AKAP3: variants seen among roughly 807,000 people sequenced by gnomAD.
AKAP3 encodes A-kinase anchoring protein 3.
Under a neutral mutation model 57.2 loss-of-function variants are expected in AKAP3, and 27 were observed. The ratio of observed to expected loss-of-function variants is 0.47; its 90% confidence interval spans 0.35 to 0.65. The LOEUF (loss-of-function observed/expected upper bound fraction) is 0.65, where lower values mean the gene tolerates loss of function less well. Among genes scored for constraint, AKAP3 ranks in the 30% least tolerant of loss-of-function variants. AKAP3 has a pLI of 0.01. For synonymous variants in AKAP3, 334 were observed against 392.3 expected (o/e 0.85, Z 1.76); for missense variants, 959 against 1,040.0 (o/e 0.92, Z 1.07).
chr12:4,644,689 G>A (rs1945677580), intron 2 of AKAP3, among the ~76,000 whole-genome samples: 1 of 152,212 alleles, frequency 6.6e-6, no homozygotes, highest in Admixed American at 6.5e-5. Flanking sequence ...AAGTGGAGGG[G>A]ATCACTTGAG....
chr12:4,631,009 T>G (rs551628868), intron 4 of AKAP3, among the ~76,000 whole-genome samples: 295 of 152,336 alleles, frequency 1.9e-3, no homozygotes, highest in Non-Finnish European at 3.8e-3. Flanking sequence ...GCCCAATAGA[T>G]CCATCTAATG....
chr12:4,637,388 T>C (rs1032620805), intron 4 of AKAP3, among the ~76,000 whole-genome samples: 4 of 152,180 alleles, frequency 2.6e-5, no homozygotes, highest in African/African-American at 9.7e-5. Flanking sequence ...GGAAGCAGCT[T>C]TGGTTGAGGG....
Position 4,627,148 on chromosome 12 carries a change from G to C in AKAP3, c.1754C>G (p.Ala585Gly), listed in dbSNP as rs957320736. Residue 585 changes from alanine to glycine, a missense_variant, in exon 5 of 6, where the codon GCA becomes GGA. Coordinates refer to ENST00000228850, the MANE Select transcript of AKAP3 (RefSeq NM_001278309.2). ...AACACTCCTTAGGTCCTTCTTTTCTGCTTGTTCTTGGTCACCTACAATGGG... is the reference window on the plus strand; with the variant it reads ...AACACTCCTTAGGTCCTTCTTTTCTCCTTGTTCTTGGTCACCTACAATGGG... ...SAPIVGDQEQ[A>G]EKKDLRSVFF... 6.2e-7 allele frequency: 1 copy of C among 1,613,988 alleles called. No homozygotes were observed. Among genetic ancestry groups the C allele is most frequent in the Non-Finnish European group, 8.5e-7 (1 of 1,180,034 alleles).
chr12:4,644,430 CA>C (rs1945674513), intron 2 of AKAP3, among the ~76,000 whole-genome samples: 1 of 152,192 alleles, frequency 6.6e-6, no homozygotes, highest in African/African-American at 2.4e-5. Context: ...AGTAGGTAGT[CA>C]AGCTTCTACT....
chr12:4,634,154 G>A (rs895250678), intron 4 of AKAP3, among the ~76,000 whole-genome samples: 2 of 151,800 alleles, frequency 1.3e-5, no homozygotes, highest in Admixed American at 6.6e-5. Flanking sequence ...CTCATATAAG[G>A]AAAATACCTA....
At chr12:4,620,038 C>T (rs1945327663) in intron 5 of AKAP3, among the ~76,000 whole-genome samples, 1 of 152,064 alleles carries the variant, frequency 6.6e-6, no homozygotes. Context: ...CATGAATAGC[C>T]TATAAAATTC....
intron 4 of AKAP3, among the ~76,000 whole-genome samples, chr12:4,636,484 T>G (rs1945567297): frequency 6.6e-6 from 1 of 152,262 alleles, no homozygotes; most frequent in Non-Finnish European, 1.5e-5. Context: ...AAAAAATCAC[T>G]AAGTTCATTT....
At position 4,629,638 on chromosome 12, in the gene AKAP3, A is replaced by T. The variant is rs532614816; in HGVS notation, c.97-833T>A. 8.3e-4 allele frequency among the ~76,000 whole-genome samples: 127 copies of T among 152,368 alleles called. No individual in the cohort carries two copies. The Middle Eastern group carries it at 0.014, about 16-fold the overall frequency. ...TACCCCTGAACTTAAAATAAAAGTT[A>T]AAAAACAGATCTGACAGTCATCAGC... is the stretch of plus-strand genomic sequence containing the variant. On this transcript the variant is annotated intron_variant, in intron 4 of 5. Coordinates refer to ENST00000228850, the MANE Select transcript of AKAP3 (RefSeq NM_001278309.2).
rs143324716 is a variant in AKAP3 at position 4,624,824 on chromosome 12, G to GTGTGTGTGTGTGTGTGTGTGTGTATA, written c.2406+1671_2406+1672insTATACACACACACACACACACACACA. On this transcript the variant is annotated intron_variant, in intron 5 of 5. Transcript: ENST00000228850. ...AGTAGACAAAGGTGTGTGTGTGTGT[G>GTGTGTGTGTGTGTGTGTGTGTGTATA]TATATAAAAGTGGGGGACTGCAAGT... Among the ~76,000 whole-genome samples, 711 of 141,086 alleles carry GTGTGTGTGTGTGTGTGTGTGTGTATA rather than the reference G, an allele frequency of 5.0e-3. 10 individuals are homozygous for GTGTGTGTGTGTGTGTGTGTGTGTATA. The highest frequency in any genetic ancestry group is 0.017 in the African/African-American group (653 of 38,612). 92.6% of individuals were successfully genotyped at this position (141,086 alleles called of 152,430 possible).
At chr12:4,645,885 ATGTAT>A (rs1945692621) in intron 1 of AKAP3, 1 of 152,188 alleles carries the variant, frequency 6.6e-6, no homozygotes, top group Non-Finnish European at 1.5e-5. Flanking sequence ...AGTAAGTATT[ATGTAT>A]TAACAAATCT....
chr12:4,626,699 G>C lies in AKAP3; in HGVS notation c.2203C>G (p.Gln735Glu). The C allele has an allele frequency of 6.2e-7, 1 of 1,614,048 alleles. No individual in the cohort carries two copies. The highest frequency in any genetic ancestry group is 1.3e-5 in the African/African-American group (1 of 74,946). The change falls in exon 5 of 6, where the codon CAA becomes GAA. Residue 735 changes from glutamine to glutamate, a missense_variant. Gln to Glu is a conservative substitution (Grantham distance 29). Transcript: ENST00000228850. ...SAEAVLQNAY[Q>E]AIHNEMRGTS... ...CCTCTCATTTCATTATGGATAGCTT[G>C]ATAGGCATTCTGCAGGACAGCTTCT...
At chr12:4,643,769 T>C (rs1261494654) in intron 2 of AKAP3, among the ~76,000 whole-genome samples, 1 of 152,226 alleles carries the variant, frequency 6.6e-6, no homozygotes, top group African/African-American at 2.4e-5. Context: ...GGCTTGGTTA[T>C]GGTCGTTATA....
At chr12:4,619,544 G>A (rs1417715803) in intron 5 of AKAP3, among the ~76,000 whole-genome samples, 2 of 151,934 alleles carry the variant, frequency 1.3e-5, no homozygotes, top group Non-Finnish European at 2.9e-5. Context: ...GCAAGAGAGG[G>A]AGACCCTGTC....
Position 4,627,467 on chromosome 12 carries a change from A to G in AKAP3, c.1435T>C (p.Phe479Leu). Residue 479 changes from phenylalanine to leucine, a missense_variant, in exon 5 of 6, where the codon TTT (phenylalanine) becomes CTT (leucine). Phe to Leu is a conservative substitution (Grantham distance 22, BLOSUM62 0). Transcript: ENST00000228850. The stretch of plus-strand genomic sequence containing the variant: ...TTACGCTGTGTGTTGGGAGCTTCAA[A>G]TGCTGCATGCTGGAAACCTAGAGAT... ...CKSLGFQHAA[F>L]EAPNTQRKPA... 3 of 1,614,104 alleles carry G rather than the reference A, an allele frequency of 1.9e-6. No individual in the cohort carries two copies. The highest frequency in any genetic ancestry group is 2.5e-6 in the Non-Finnish European group (3 of 1,179,990).
chr12:4,628,583 GAATCT>G lies in AKAP3; in HGVS notation c.314_318del (p.Glu105AlafsTer17), dbSNP rs1945457918. ...AGTTGGGCCCTGGGGCCCTGGCAAG[GAATCT>G]CTTTGTGAGTCATCTCAAAATGCAA... On this transcript the variant is annotated frameshift_variant, in exon 5 of 6. Coordinates refer to ENST00000228850, the MANE Select transcript of AKAP3 (RefSeq NM_001278309.2). LOFTEE classifies it high-confidence loss of function. 6.2e-7 allele frequency: 1 copy of G among 1,614,162 alleles called. No individual in the cohort carries two copies. The highest frequency in any genetic ancestry group is 1.3e-5 in the African/African-American group (1 of 75,068).
rs528938252 is a variant in AKAP3 at position 4,628,261 on chromosome 12, T to C, written c.641A>G (p.Tyr214Cys). ...GSSQSPPNLK[Y>C]KSTLKIKEST... ...CTCCTTGATCTTCAAAGTGGACTTGTATTTCAAATTTGGGGGACTTTGTGA... is the reference window on the plus strand; with the variant it reads ...CTCCTTGATCTTCAAAGTGGACTTGCATTTCAAATTTGGGGGACTTTGTGA... The change falls in exon 5 of 6, where the codon TAC becomes TGC. Residue 214 changes from tyrosine (Y) to cysteine (C), a missense_variant. Physicochemically the swap from Tyr to Cys is radical, Grantham distance 194 (BLOSUM62 -2). Coordinates refer to ENST00000228850, the MANE Select transcript of AKAP3 (RefSeq NM_001278309.2). The C allele has an allele frequency of 6.2e-7, 1 of 1,614,088 alleles. No individual in the cohort carries two copies. Among genetic ancestry groups the C allele is most frequent in the African/African-American group, 1.3e-5 (1 of 75,036 alleles).
intron 5 of AKAP3, among the ~76,000 whole-genome samples, chr12:4,618,194 C>CA (rs1230568685): frequency 6.6e-6 from 1 of 152,054 alleles, no homozygotes; most frequent in Non-Finnish European, 1.5e-5. Flanking sequence ...TCAGAATGGA[C>CA]AAAAAATATA....
At chr12:4,629,205 A>G (rs1383062564) in intron 4 of AKAP3, among the ~76,000 whole-genome samples, 1 of 152,204 alleles carries the variant, frequency 6.6e-6, no homozygotes. Flanking sequence ...CTAATGACAT[A>G]TATCTTTAAG....
At chr12:4,634,214 C>T (rs1945536714) in intron 4 of AKAP3, among the ~76,000 whole-genome samples, 2 of 152,038 alleles carry the variant, frequency 1.3e-5, no homozygotes, top group Non-Finnish European at 2.9e-5. Context: ...GGTTGGAAAA[C>T]AAGGCTACAA....
Sources: allele counts gnomAD v4.1 joint callset (sites outside exome capture counted in the v4.1 genomes callset), GRCh38; gene constraint gnomAD v4.1.1; transcripts MANE v1.5; gene names NCBI Gene and HGNC (gene_info 2026-07-23, HGNC 2026-07-21).